The following MROH7 variants were observed in gnomAD, a reference collection of about 807,000 sequenced individuals.
MROH7 encodes the protein maestro heat-like repeat-containing protein family member 7.
Under a neutral mutation model 129.2 loss-of-function variants are expected in MROH7, and 113 were observed. The observed-to-expected ratio is 0.87, with a 90% CI of 0.75 to 1.02. The LOEUF is 1.02. MROH7 is among the 50% of genes least tolerant of loss of function. MROH7 has a pLI of 0.00. For missense variants in MROH7, 1,601 were observed against 1,671.3 expected (o/e 0.96, Z 0.73); for synonymous variants, 655 against 667.9 (o/e 0.98, Z 0.30).
At chr1:54,651,160 AAAG>A (rs1357091399) in intron 1 of MROH7, 2 of 152,646 alleles carry the variant, frequency 1.3e-5, no homozygotes, top group East Asian at 3.8e-4. Context: ...AACTACAAAC[AAAG>A]AAGAGAGAAA....
intron 16 of MROH7, among the ~76,000 whole-genome samples, chr1:54,694,898 C>G (rs78454652): frequency 6.6e-6 from 1 of 152,190 alleles, no homozygotes; most frequent in Admixed American, 6.5e-5. Flanking sequence ...GGCTCCAGCT[C>G]GGCCATTTTC....
chr1:54,650,908 A>G (rs976369289), intron 1 of MROH7, among the ~76,000 whole-genome samples: 2 of 152,012 alleles, frequency 1.3e-5, no homozygotes, highest in African/African-American at 4.8e-5. Context: ...ATTTTTTTGT[A>G]GGGACAGAGT....
At chr1:54,696,256 A>G (rs1229166110) in intron 17 of MROH7, among the ~76,000 whole-genome samples, 2 of 152,186 alleles carry the variant, frequency 1.3e-5, no homozygotes, top group Non-Finnish European at 2.9e-5. Flanking sequence ...CCAGGATTCA[A>G]ATAAAGACAT....
chr1:54,663,183 TTCCATTTA>T (rs2101088693), intron 3 of MROH7, among the ~76,000 whole-genome samples: 1 of 152,172 alleles, frequency 6.6e-6, no homozygotes, highest in African/African-American at 2.4e-5. Context: ...TCATCAAACT[TTCCATTTA>T]TTTATTTATT....
chr1:54,683,436 C>T (rs1223890415), intron 14 of MROH7, among the ~76,000 whole-genome samples: 1 of 152,230 alleles, frequency 6.6e-6, no homozygotes, highest in Non-Finnish European at 1.5e-5. Context: ...GGATTTGTCT[C>T]TGTCTCTATC....
At chr1:54,643,024 C>T (rs1420953633) in intron 1 of MROH7, among the ~76,000 whole-genome samples, 1 of 152,198 alleles carries the variant, frequency 6.6e-6, no homozygotes, top group Non-Finnish European at 1.5e-5. Flanking sequence ...TCCCTCACTC[C>T]GTGAATGTTT....
chr1:54,688,850 T>G (rs933098715), intron 15 of MROH7, among the ~76,000 whole-genome samples: 1 of 151,946 alleles, frequency 6.6e-6, no homozygotes, highest in African/African-American at 2.4e-5. Flanking sequence ...GGGAAAAAAT[T>G]CTTGACCTTG....
intron 10 of MROH7, among the ~76,000 whole-genome samples, chr1:54,677,539 C>A (rs550850853): frequency 6.6e-6 from 1 of 152,198 alleles, no homozygotes; most frequent in African/African-American, 2.4e-5. Flanking sequence ...CTGTCCAGGC[C>A]CCCTGACTGT....
intron 1 of MROH7, among the ~76,000 whole-genome samples, chr1:54,648,922 G>T (rs1409551276): frequency 6.6e-6 from 1 of 152,158 alleles, no homozygotes; most frequent in Non-Finnish European, 1.5e-5. Flanking sequence ...GGAGGATGTT[G>T]TTTCTGGCTT....
intron 3 of MROH7, among the ~76,000 whole-genome samples, chr1:54,664,748 C>T (rs2101092420): frequency 6.6e-6 from 1 of 152,248 alleles, no homozygotes; most frequent in Middle Eastern, 3.4e-3. Context: ...TGCAGTGGCT[C>T]ACACTTGTAA....
At chr1:54,677,796 G>A (rs932755274) in intron 10 of MROH7, among the ~76,000 whole-genome samples, 3 of 152,262 alleles carry the variant, frequency 2.0e-5, no homozygotes, top group Non-Finnish European at 2.9e-5. Context: ...ACTATGTGCC[G>A]GGTACTATTC....
rs377123183 is a variant in MROH7, at chr1:54,701,183, G to A, written c.3146G>A (p.Gly1049Asp). 1.7e-5 allele frequency: 27 copies of A among 1,614,152 alleles called. No individual in the cohort carries two copies. Among genetic ancestry groups the A allele is most frequent in the Non-Finnish European group, 2.3e-5 (27 of 1,180,032 alleles). Reference sequence around the variant, plus strand: ...GCCCTCCTGCCCTCCATGGTGAAGGGCCTGAAGAACATGGATGGGATGCTG... The same window carrying A: ...GCCCTCCTGCCCTCCATGGTGAAGGACCTGAAGAACATGGATGGGATGCTG... Reference protein sequence around the residue: ...VKALLPSMVKGLKNMDGMLVV... With the variant: ...VKALLPSMVKDLKNMDGMLVV... The change falls in exon 19 of 24, where the codon GGC becomes GAC. Residue 1049 changes from glycine (G) to aspartate (D), a missense_variant. Coordinates refer to ENST00000421030, the MANE Select transcript of MROH7 (RefSeq NM_001039464.4).
chr1:54,703,178 C>A lies in MROH7; in HGVS notation c.3564+433C>A, dbSNP rs1645467194. On this transcript the variant is annotated intron_variant, in intron 21 of 23. Coordinates refer to ENST00000421030, the MANE Select transcript of MROH7 (RefSeq NM_001039464.4). This position sits in a 1 kb window ranked among gnomAD's most constrained non-coding sequence, Gnocchi z 4.4. ...CCATCGTTGCCCTTAATTCAGGGCA[C>A]CGACACCCCTCAGTTAGGCTATTGG... is the stretch of plus-strand genomic sequence containing the variant. Among the ~76,000 whole-genome samples the A allele has an allele frequency of 6.6e-6, 1 of 152,158 alleles. No homozygotes were observed. Among genetic ancestry groups the A allele is most frequent in the South Asian group, 2.1e-4 (1 of 4,824 alleles).
chr1:54,704,458 G>C lies in MROH7; in HGVS notation c.3564+1713G>C, dbSNP rs1447181298. On this transcript the variant is annotated intron_variant, in intron 21 of 23. Coordinates refer to ENST00000421030, the MANE Select transcript of MROH7 (RefSeq NM_001039464.4). ...TTTTTTTTTTTTTTTTTTTGAGACA[G>C]AGTCTCACTCTGTCACTCAGGCTGG... 2.9e-5 allele frequency among the ~76,000 whole-genome samples: 4 copies of C among 138,706 alleles called. No homozygotes were observed. The East Asian group carries it at 8.4e-4, about 29-fold the overall frequency. The allele number at this position is 138,706 out of a possible 152,430, so 91.0% of individuals were successfully genotyped here.
intron 1 of MROH7, among the ~76,000 whole-genome samples, chr1:54,642,868 G>C (rs1037239834): frequency 6.6e-6 from 1 of 152,204 alleles, no homozygotes; most frequent in Admixed American, 6.5e-5. Context: ...TCTTGCCTCA[G>C]CTTCCCAAAA....
At chr1:54,682,282 A>G (rs1435220456) in intron 13 of MROH7, among the ~76,000 whole-genome samples, 1 of 150,750 alleles carries the variant, frequency 6.6e-6, no homozygotes, top group Non-Finnish European at 1.5e-5. Flanking sequence ...CTCCTGCCTC[A>G]GCCTCCTGAG....
Position 54,668,944 on chromosome 1 carries a change from G to C in MROH7, c.1389+7G>C, listed in dbSNP as rs199793890. 3 of 1,601,602 alleles carry C rather than the reference G, an allele frequency of 1.9e-6. No homozygotes were observed. The highest frequency in any genetic ancestry group is 4.5e-5 in the East Asian group (2 of 44,768). On this transcript the variant is annotated splice_region_variant and intron_variant, in intron 5 of 23. Coordinates refer to ENST00000421030, the MANE Select transcript of MROH7 (RefSeq NM_001039464.4). ...CATGATAAAGAAGATTATGGTGGGG[G>C]AGCCACAGGCGGGTCTGTGGCATTG...
At chr1:54,679,519 C>T in intron 12 of MROH7, 80 bp downstream of exon 12, 2 of 1,466,002 alleles carry the variant, frequency 1.4e-6, no homozygotes, top group East Asian at 2.3e-5. Flanking sequence ...CACTGGCCGG[C>T]CAGACAGTGG....
intron 1 of MROH7, among the ~76,000 whole-genome samples, chr1:54,649,918 G>A (rs1210916310): frequency 1.3e-5 from 2 of 152,206 alleles, no homozygotes; most frequent in Admixed American, 1.3e-4. Flanking sequence ...ATTGCCTCTG[G>A]TGCTGATGGT....
Sources: gnomAD v4.1 joint callset for allele counts (sites outside exome capture counted in the v4.1 genomes callset) on GRCh38, gnomAD v4.1.1 for gene constraint, Gnocchi (gnomAD v3.1) non-coding constraint, MANE v1.5 for transcripts, NCBI Gene and HGNC (gene_info 2026-07-23, HGNC 2026-07-21) for gene names.